NFASC: variants seen among roughly 807,000 people sequenced by gnomAD.
NFASC encodes neurofascin homolog.
Under a neutral mutation model 147.5 loss-of-function variants are expected in NFASC, and 43 were observed. That is an observed-to-expected ratio of 0.29 (90% CI 0.23 to 0.38). The LOEUF is 0.38. NFASC is among the 10% of genes least tolerant of loss of function. The probability of loss-of-function intolerance (pLI) is 1.00; values close to 1 mark genes in which losing one functional copy is unlikely to be tolerated. For missense variants in NFASC, 1,320 were observed against 1,689.0 expected, an observed-to-expected ratio of 0.78 and a Z score of 3.83; for synonymous variants, 622 against 665.5, an observed-to-expected ratio of 0.93 and a Z score of 1.01.
At chr1:204,913,447 A>G (rs968990187) in intron 1 of NFASC, among the ~76,000 whole-genome samples, 2 of 152,230 alleles carry the variant, frequency 1.3e-5, no homozygotes, top group Non-Finnish European at 2.9e-5. Flanking sequence ...ACGGTATGAT[A>G]CTAGCACATG....
At chr1:204,837,479 T>C (rs1674102752) in intron 1 of NFASC, among the ~76,000 whole-genome samples, 1 of 152,116 alleles carries the variant, frequency 6.6e-6, no homozygotes, top group Non-Finnish European at 1.5e-5. Flanking sequence ...TTTTTGGCAT[T>C]GGTGAGGAGT....
In NFASC at chr1:205,017,902, T is replaced by A. The variant is rs1291057082; in HGVS notation, c.*1363T>A. 1 of 152,838 alleles carries A rather than the reference T, an allele frequency of 6.5e-6. No individual in the cohort carries two copies. The highest frequency in any genetic ancestry group is 1.5e-5 in the Non-Finnish European group (1 of 68,214). 9.5% of individuals were successfully genotyped at this position (152,838 alleles called of 1,614,324 possible). A position where few individuals can be genotyped will look rare whatever the true frequency, so the allele number is the denominator to read the frequency against. On this transcript the variant is annotated 3_prime_UTR_variant, in exon 30 of 30. Transcript: ENST00000339876. The stretch of plus-strand genomic sequence containing the variant: ...TGCAGCGCTGATCTGTCCCTGGAGT[T>A]CCCAGGTTCCCAGCTCCCCCCCTGC...
At position 204,866,037 on chromosome 1, in the gene NFASC, A is replaced by C. The variant is rs534348926; in HGVS notation, c.-200+37255A>C. Among the ~76,000 whole-genome samples the C allele has an allele frequency of 1.2e-4, 18 of 152,332 alleles. No individual in the cohort carries two copies. In the South Asian group the frequency reaches 3.5e-3, roughly 30 times the overall value. On this transcript the variant is annotated intron_variant, in intron 1 of 29. Coordinates refer to ENST00000339876, the MANE Select transcript of NFASC (RefSeq NM_001005388.3). Reference sequence around the variant, plus strand: ...GTAGACTGCCCTAAAATTATGAGTCAAACATTGCTATCTCCTTCAAGGGGC... The same window carrying C: ...GTAGACTGCCCTAAAATTATGAGTCCAACATTGCTATCTCCTTCAAGGGGC...
At chr1:204,849,566 G>C (rs1295214916) in intron 1 of NFASC, among the ~76,000 whole-genome samples, 1 of 152,148 alleles carries the variant, frequency 6.6e-6, no homozygotes, top group Non-Finnish European at 1.5e-5. Context: ...GACCACACTT[G>C]GAGAGCCATT....
At chr1:204,914,835 G>A (rs187816479) in intron 1 of NFASC, among the ~76,000 whole-genome samples, 1 of 152,088 alleles carries the variant, frequency 6.6e-6, no homozygotes, top group South Asian at 2.1e-4. Context: ...TAACAGTCTT[G>A]CAAATATAAG....
chr1:205,001,123 T>A lies in NFASC; in HGVS notation c.3020-47T>A, dbSNP rs372177138. ...TATGTGTGTGTCTCCATATCTCTGG[T>A]GCCACTCCCTCCTCATCACTAACCC... On this transcript the variant is annotated intron_variant, in intron 25 of 29. Coordinates refer to ENST00000339876, the MANE Select transcript of NFASC (RefSeq NM_001005388.3). 9.0e-6 allele frequency: 10 copies of A among 1,113,056 alleles called. No homozygotes were observed. In the African/African-American group the frequency reaches 1.4e-4, roughly 15 times the overall value. 68.9% of individuals were successfully genotyped at this position (1,113,056 alleles called of 1,614,324 possible).
rs959643949 is a variant in NFASC at position 204,987,462 on chromosome 1, G to A, written c.2515G>A (p.Glu839Lys). ...TTTCCGAGTCCGGCAGCCCAACCTG[G>A]AGACAATCAACCTGGAATGGGATCA... Reference protein sequence around the residue: ...RRFRVRQPNLETINLEWDHPE... With the variant: ...RRFRVRQPNLKTINLEWDHPE... The change falls in exon 22 of 30, where the codon GAG (glutamate) becomes AAG (lysine). Residue 839 changes from glutamate to lysine, a missense_variant. By Grantham distance (56) the Glu-to-Lys change is moderately conservative. This residue lies in a region of NFASC where 981 missense variants were observed against 1,289.5 expected (regional missense o/e 0.76). Coordinates refer to ENST00000339876, the MANE Select transcript of NFASC (RefSeq NM_001005388.3). This position sits in a 1 kb window ranked among gnomAD's most constrained non-coding sequence, Gnocchi z 4.4. 1.9e-6 allele frequency: 3 copies of A among 1,614,064 alleles called. No individual in the cohort carries two copies. The highest frequency in any genetic ancestry group is 1.1e-5 in the South Asian group (1 of 91,076).
At chr1:204,944,444 AT>A in intron 3 of NFASC, 38 bp downstream of exon 3, 2 of 521,830 alleles carry the variant, frequency 3.8e-6, no homozygotes, top group Non-Finnish European at 3.3e-6. Flanking sequence ...TTTTTTCCTG[AT>A]TTTGGGCAGA....
intron 1 of NFASC, among the ~76,000 whole-genome samples, chr1:204,843,966 G>C (rs1305042383): frequency 6.6e-6 from 1 of 152,140 alleles, no homozygotes; most frequent in East Asian, 1.9e-4. Context: ...TTGAACTCCT[G>C]ATCTCAGGTG....
rs530755880 is a variant in NFASC at position 204,984,276 on chromosome 1, T to C, written c.2470+2256T>C. The C allele has an allele frequency of 1.7e-5, 11 of 631,550 alleles. No homozygotes were observed. In the East Asian group the frequency reaches 3.1e-4, roughly 18 times the overall value. The allele number at this position is 631,550 out of a possible 1,614,324, so 39.1% of individuals were successfully genotyped here. On this transcript the variant is annotated intron_variant, in intron 21 of 29. Transcript: ENST00000339876. Reference sequence around the variant, plus strand: ...TGAATCCAGGGTTGACTCAAGAAGATAATGTCTAGGGTTAGATGTTCAAAA... The same window carrying C: ...TGAATCCAGGGTTGACTCAAGAAGACAATGTCTAGGGTTAGATGTTCAAAA...
At chr1:204,866,869 C>G (rs543532313) in intron 1 of NFASC, among the ~76,000 whole-genome samples, 29 of 152,230 alleles carry the variant, frequency 1.9e-4, no homozygotes, top group African/African-American at 7.0e-4. Flanking sequence ...TCATGTCCCA[C>G]CTTGAGAGAT....
chr1:204,989,153 GT>G, intron 23 of NFASC: 2 of 318,052 alleles, frequency 6.3e-6, no homozygotes, highest in Non-Finnish European at 1.2e-5. Flanking sequence ...AACAGTGAGT[GT>G]TCACCTCTTG....
intron 1 of NFASC, among the ~76,000 whole-genome samples, chr1:204,891,621 C>T (rs1223546785): frequency 6.6e-6 from 1 of 152,106 alleles, no homozygotes; most frequent in East Asian, 1.9e-4. Flanking sequence ...AAACATGTGC[C>T]TGAGAGCATC....
rs141083991 is a variant in NFASC, at chr1:204,875,487, G to A, written c.-199-45145G>A. Among the ~76,000 whole-genome samples, 4 of 152,314 alleles carry A rather than the reference G, an allele frequency of 2.6e-5. No individual in the cohort carries two copies. The East Asian group carries it at 7.7e-4, about 29-fold the overall frequency. On this transcript the variant is annotated intron_variant, in intron 1 of 29. Coordinates refer to ENST00000339876, the MANE Select transcript of NFASC (RefSeq NM_001005388.3). ...AGAACAGAGTAGGGAATCTGGAGGT[G>A]CCTGAGTCATACGGGATTAGAAAGT...
At chr1:204,931,983 AG>A (rs1261782150) in intron 2 of NFASC, among the ~76,000 whole-genome samples, 1 of 152,146 alleles carries the variant, frequency 6.6e-6, no homozygotes, top group Non-Finnish European at 1.5e-5. Context: ...ATCTGGAAGA[AG>A]GCAAGTGAAG....
At chr1:204,846,689 C>T (rs183883873) in intron 1 of NFASC, among the ~76,000 whole-genome samples, 4 of 152,232 alleles carry the variant, frequency 2.6e-5, no homozygotes, top group African/African-American at 9.6e-5. Flanking sequence ...TGCACCCTCC[C>T]GGCTGTGGCA....
chr1:204,918,169 T>G (rs1267391861), intron 1 of NFASC, among the ~76,000 whole-genome samples: 1 of 152,226 alleles, frequency 6.6e-6, no homozygotes, highest in Non-Finnish European at 1.5e-5. Context: ...ATAATAATAT[T>G]ATAGTACCAT....
In NFASC at chr1:205,010,101, G is replaced by T. The variant is rs1007560432; in HGVS notation, c.3421+413G>T. Reference sequence around the variant, plus strand: ...GTCCCAGAGAATGGGGAGAGGAGGGGCCTGGGCAGAAGCAGCACCCACATG... The same window carrying T: ...GTCCCAGAGAATGGGGAGAGGAGGGTCCTGGGCAGAAGCAGCACCCACATG... On this transcript the variant is annotated intron_variant, in intron 28 of 29. Transcript: ENST00000339876. The surrounding 1 kb of genome is among the most constrained non-coding windows in gnomAD (Gnocchi z 4.1). 1.9e-5 allele frequency: 4 copies of T among 206,840 alleles called. No homozygotes were observed. The highest frequency in any genetic ancestry group is 3.0e-5 in the Non-Finnish European group (3 of 100,528). 12.8% of individuals were successfully genotyped at this position (206,840 alleles called of 1,614,324 possible). A position where few individuals can be genotyped will look rare whatever the true frequency, so the allele number is the denominator to read the frequency against.
At chr1:204,903,551 G>T (rs2149227096) in intron 1 of NFASC, among the ~76,000 whole-genome samples, 1 of 152,302 alleles carries the variant, frequency 6.6e-6, no homozygotes, top group African/African-American at 2.4e-5. Context: ...TCTTTCCCAA[G>T]ACTATTCCAT....
Sources: allele counts gnomAD v4.1 joint callset (sites outside exome capture counted in the v4.1 genomes callset), GRCh38; gene constraint gnomAD v4.1.1; regional missense constraint gnomAD v4.1.1; non-coding constraint Gnocchi (gnomAD v3.1); transcripts MANE v1.5; gene names NCBI Gene and HGNC (gene_info 2026-07-23, HGNC 2026-07-21).